The following FGF13 variants were observed in gnomAD, a reference collection of about 807,000 sequenced individuals.
FGF13 encodes fibroblast growth factor homologous factor 2.
Under a neutral mutation model 19.5 loss-of-function variants are expected in FGF13, and 2 were observed. The observed-to-expected ratio is 0.10, with a 90% confidence interval of 0.04 to 0.32. The LOEUF (loss-of-function observed/expected upper bound fraction) is 0.32, where lower values mean the gene tolerates loss of function less well. Among genes scored for constraint, FGF13 ranks in the 10% least tolerant of loss-of-function variants. The probability of loss-of-function intolerance (pLI) is 1.00; values close to 1 mark genes in which losing one functional copy is unlikely to be tolerated. For synonymous variants in FGF13, 72 were observed against 76.9 expected, an observed-to-expected ratio of 0.94 and a Z score of 0.33; for missense variants, 113 against 192.7, an observed-to-expected ratio of 0.59 and a Z score of 2.45.
At chrX:138,884,168 A>G (rs1602996616) in intron 1 of FGF13, among the ~76,000 whole-genome samples, 1 of 112,301 alleles carries the variant, frequency 8.9e-6, no homozygotes, top group East Asian at 2.8e-4. Flanking sequence ...GGTGTTGGAG[A>G]AATAGAGAGC....
intron 3 of FGF13, among the ~76,000 whole-genome samples, chrX:138,775,711 C>T (rs749415230): frequency 6.2e-5 from 7 of 112,495 alleles, no homozygotes; most frequent in Non-Finnish European, 1.3e-4. Context: ...ACTAATTCTT[C>T]TTTGTATTCC....
intron 1 of FGF13, among the ~76,000 whole-genome samples, chrX:139,121,260 C>T (rs757163544): frequency 4.6e-4 from 52 of 111,921 alleles, no homozygotes; most frequent in Non-Finnish European, 8.5e-4. Flanking sequence ...ACCTGTATCT[C>T]CACACCATTT....
intron 1 of FGF13, among the ~76,000 whole-genome samples, chrX:138,883,152 C>T (rs1298167703): frequency 1.8e-5 from 2 of 112,382 alleles, no homozygotes; most frequent in East Asian, 5.6e-4. Flanking sequence ...AGTGTCAGCA[C>T]TCATTTCACT....
intron 1 of FGF13, among the ~76,000 whole-genome samples, chrX:139,134,943 C>T (rs1351298367): frequency 9.0e-6 from 1 of 111,427 alleles, no homozygotes; most frequent in African/African-American, 3.3e-5. Context: ...CCACTGCAAC[C>T]GGCCTGTCAA....
At chrX:138,642,161 G>T (rs1447301854) in intron 3 of FGF13, among the ~76,000 whole-genome samples, 1 of 94,587 alleles carries the variant, frequency 1.1e-5, no homozygotes, top group Non-Finnish European at 2.1e-5. Context: ...TTCAAAACTG[G>T]AAAGGATGAG....
chrX:138,878,595 A>T (rs2091405099), intron 1 of FGF13, among the ~76,000 whole-genome samples: 1 of 107,848 alleles, frequency 9.3e-6, no homozygotes, highest in African/African-American at 3.4e-5. Flanking sequence ...TATTGTGAAT[A>T]GTGCCGCAAT....
intron 3 of FGF13, among the ~76,000 whole-genome samples, chrX:138,776,648 A>G (rs1305847650): frequency 8.9e-6 from 1 of 112,130 alleles, no homozygotes; most frequent in Non-Finnish European, 1.9e-5. Flanking sequence ...TTCATCGGCT[A>G]AGAATGTCCT....
At chrX:139,131,172 G>A (rs1473416673) in intron 1 of FGF13, among the ~76,000 whole-genome samples, 1 of 111,323 alleles carries the variant, frequency 9.0e-6, no homozygotes, top group Non-Finnish European at 1.9e-5. Flanking sequence ...GTTTATGAGA[G>A]AATTTTTTTA....
chrX:138,682,413 T>C (rs1360128854), intron 3 of FGF13, among the ~76,000 whole-genome samples: 1 of 112,860 alleles, frequency 8.9e-6, no homozygotes, highest in African/African-American at 3.2e-5. Flanking sequence ...GAAAGCTACA[T>C]CATTGAATAA....
At chrX:139,161,907 C>T (rs762163575) in intron 1 of FGF13, among the ~76,000 whole-genome samples, 11 of 111,795 alleles carry the variant, frequency 9.8e-5, no homozygotes, top group Admixed American at 2.8e-4. Context: ...AGAGAGGACA[C>T]GAATGGAAAA....
intron 1 of FGF13, among the ~76,000 whole-genome samples, chrX:139,147,397 G>A (rs925074369): frequency 2.7e-5 from 3 of 110,756 alleles, no homozygotes; most frequent in African/African-American, 9.9e-5. Flanking sequence ...AATCCTTAAA[G>A]CACCAAGCCC....
intron 1 of FGF13, chrX:138,990,610 A>G (rs2092011595): frequency 9.0e-6 from 1 of 110,724 alleles, no homozygotes. Context: ...GCTTGTGCAG[A>G]GAAACTCCTG....
At chrX:138,771,980 C>A (rs1302815115) in intron 3 of FGF13, among the ~76,000 whole-genome samples, 2 of 85,355 alleles carry the variant, frequency 2.3e-5, no homozygotes, top group East Asian at 7.4e-4. Flanking sequence ...TATTTATATA[C>A]AAGGATTTCA....
At chrX:138,662,029 C>G (rs191709923) in intron 3 of FGF13, among the ~76,000 whole-genome samples, 118 of 111,561 alleles carry the variant, frequency 1.1e-3, no homozygotes, top group African/African-American at 3.3e-3. Flanking sequence ...GGAGGAGTTA[C>G]AATAAAAATG....
At chrX:138,691,284 A>G (rs1355518030) in intron 3 of FGF13, among the ~76,000 whole-genome samples, 1 of 111,705 alleles carries the variant, frequency 9.0e-6, no homozygotes, top group African/African-American at 3.3e-5. Context: ...GGAGCCCGGG[A>G]ATACTTTAAA....
chrX:138,933,109 C>A (rs2091712773), intron 1 of FGF13, among the ~76,000 whole-genome samples: 1 of 111,124 alleles, frequency 9.0e-6, no homozygotes, highest in Non-Finnish European at 1.9e-5. Context: ...ATGTCAATGT[C>A]CAGCTCAAAA....
At chrX:139,097,198 A>G (rs1460409968) in intron 1 of FGF13, among the ~76,000 whole-genome samples, 1 of 112,219 alleles carries the variant, frequency 8.9e-6, no homozygotes, top group African/African-American at 3.2e-5. Context: ...AAAGTGCCAT[A>G]TTGCTTTAAT....
chrX:138,702,758 T>C (rs2089959462), intron 3 of FGF13, among the ~76,000 whole-genome samples: 1 of 112,429 alleles, frequency 8.9e-6, no homozygotes, highest in African/African-American at 3.2e-5. Context: ...TATTAAAAAA[T>C]GTTCAGTGAA....
At position 139,148,937 on chromosome X, in the gene FGF13, G is replaced by A. The variant is rs1382017472; in HGVS notation, c.-113+54479C>T. On this transcript the variant is annotated intron_variant, in intron 1 of 2. Transcript: ENST00000421460. Reference sequence around the variant, plus strand: ...TAGGAATTTGTCAGACAATGAGGTAGCAGGCCTGGAGTCCTTCTGTGATCC... The same window carrying A: ...TAGGAATTTGTCAGACAATGAGGTAACAGGCCTGGAGTCCTTCTGTGATCC... Among the ~76,000 whole-genome samples, 3 of 111,443 alleles carry A rather than the reference G, an allele frequency of 2.7e-5. No homozygotes were observed. In the East Asian group the frequency reaches 8.5e-4, roughly 32 times the overall value.
Sources: allele counts gnomAD v4.1 joint callset (sites outside exome capture counted in the v4.1 genomes callset), GRCh38; gene constraint gnomAD v4.1.1; transcripts MANE v1.5; gene names NCBI Gene and HGNC (gene_info 2026-07-23, HGNC 2026-07-21).